Variants in TTLL11 observed in about 807,000 individuals in gnomAD.
TTLL11 encodes the protein tubulin tyrosine ligase like 11.
Under a neutral mutation model 51.7 loss-of-function variants are expected in TTLL11, and 42 were observed. The ratio of observed to expected loss-of-function variants is 0.81; its 90% CI spans 0.64 to 1.05. The LOEUF is 1.05. Ranked by LOEUF, TTLL11 falls within the 50% of genes least tolerant of loss-of-function variation. The pLI, the probability that TTLL11 is intolerant of heterozygous loss-of-function variation, is 0.00. For missense variants in TTLL11, 799 were observed against 940.4 expected, an observed-to-expected ratio of 0.85 and a Z score of 1.97; for synonymous variants, 381 against 383.5, an observed-to-expected ratio of 0.99 and a Z score of 0.08.
At chr9:121,907,091 A>T (rs1839973868) in intron 6 of TTLL11, among the ~76,000 whole-genome samples, 2 of 151,614 alleles carry the variant, frequency 1.3e-5, no homozygotes, top group African/African-American at 4.9e-5. Flanking sequence ...TTCCAAATAT[A>T]CTCTTTTGTC....
At chr9:121,919,920 T>G (rs976118304) in intron 6 of TTLL11, among the ~76,000 whole-genome samples, 6 of 149,204 alleles carry the variant, frequency 4.0e-5, no homozygotes, top group African/African-American at 1.5e-4. Flanking sequence ...TTAACAATAA[T>G]AGCTAACACT....
intron 4 of TTLL11, among the ~76,000 whole-genome samples, chr9:121,984,024 G>C (rs1842885203): frequency 6.6e-6 from 1 of 152,194 alleles, no homozygotes; most frequent in Non-Finnish European, 1.5e-5. Flanking sequence ...GCAAGAATGA[G>C]AGAGAGCATG....
At chr9:122,052,203 C>A (rs896689156) in intron 1 of TTLL11, among the ~76,000 whole-genome samples, 2 of 152,214 alleles carry the variant, frequency 1.3e-5, no homozygotes, top group Non-Finnish European at 2.9e-5. Context: ...CACTTCTCTG[C>A]CTTGCTGCTC....
intron 6 of TTLL11, among the ~76,000 whole-genome samples, chr9:121,911,096 C>T (rs1480939968): frequency 6.6e-6 from 1 of 152,118 alleles, no homozygotes; most frequent in Non-Finnish European, 1.5e-5. Flanking sequence ...TGTTATGCCC[C>T]CTGGTTCTCA....
At chr9:121,974,161 C>A (rs557992516) in intron 5 of TTLL11, 37 bp from the exon 6 acceptor site, 1 of 1,476,598 alleles carries the variant, frequency 6.8e-7, no homozygotes, top group Non-Finnish European at 9.2e-7. Context: ...CAGTGGAGAC[C>A]GTGATTCCGT....
chr9:121,967,514 C>T (rs999809934), intron 6 of TTLL11, among the ~76,000 whole-genome samples: 4 of 152,222 alleles, frequency 2.6e-5, no homozygotes, highest in Admixed American at 6.5e-5. Flanking sequence ...TGAGCCACCG[C>T]GCCCAGCCTC....
chr9:121,883,117 G>T (rs919811929), intron 6 of TTLL11, among the ~76,000 whole-genome samples: 2 of 152,114 alleles, frequency 1.3e-5, no homozygotes, highest in Admixed American at 1.3e-4. Context: ...TTCAGCTTAT[G>T]GGTCTATAAA....
At chr9:122,044,318 T>A (rs1396136736) in intron 1 of TTLL11, among the ~76,000 whole-genome samples, 8 of 152,138 alleles carry the variant, frequency 5.3e-5, no homozygotes, top group Admixed American at 3.9e-4. Flanking sequence ...GCAATAAACA[T>A]ACGTGTGCAT....
At chr9:121,828,991 T>TCTG (rs1836910638) in intron 8 of TTLL11, among the ~76,000 whole-genome samples, 1 of 150,724 alleles carries the variant, frequency 6.6e-6, no homozygotes, top group Non-Finnish European at 1.5e-5. Flanking sequence ...GGAGTCTCGC[T>TCTG]CTGTCACCCA....
At chr9:122,004,971 T>C (rs1470802074) in intron 3 of TTLL11, among the ~76,000 whole-genome samples, 1 of 152,210 alleles carries the variant, frequency 6.6e-6, no homozygotes, top group Non-Finnish European at 1.5e-5. Flanking sequence ...GATACAATTT[T>C]GGCATTTCTA....
At chr9:121,954,415 G>C (rs937149366) in intron 6 of TTLL11, among the ~76,000 whole-genome samples, 11 of 152,190 alleles carry the variant, frequency 7.2e-5, no homozygotes, top group Admixed American at 1.3e-4. Context: ...TCCAGGCTGA[G>C]GATAAATGCG....
chr9:122,066,214 AGTGGTGGTGGTG>A (rs10618618), intron 1 of TTLL11, among the ~76,000 whole-genome samples: 3 of 140,646 alleles, frequency 2.1e-5, no homozygotes, highest in Non-Finnish European at 4.6e-5. Context: ...TGTTGTTGTT[AGTGGTGGTGGTG>A]GTGGTGGTGG....
At chr9:121,948,468 A>G (rs564551211) in intron 6 of TTLL11, among the ~76,000 whole-genome samples, 72 of 152,344 alleles carry the variant, frequency 4.7e-4, no homozygotes, top group African/African-American at 1.7e-3. Context: ...TCATCAAGTA[A>G]TATCTACCAC....
chr9:121,858,108 T>C (rs1837883499), intron 8 of TTLL11, among the ~76,000 whole-genome samples: 1 of 152,256 alleles, frequency 6.6e-6, no homozygotes, highest in South Asian at 2.1e-4. Context: ...ATCTGCCTAC[T>C]TCTCCTGAAG....
chr9:122,072,890 G>A (rs546874975), intron 1 of TTLL11, among the ~76,000 whole-genome samples: 3 of 152,276 alleles, frequency 2.0e-5, no homozygotes, highest in South Asian at 2.1e-4. Flanking sequence ...GGAGCTCTCC[G>A]GGGAAGGGAC....
chr9:122,084,013 A>T (rs923113112), intron 1 of TTLL11, among the ~76,000 whole-genome samples: 11 of 152,338 alleles, frequency 7.2e-5, no homozygotes, highest in Admixed American at 2.0e-4. Context: ...TTATTTATAC[A>T]TAATCTAAGA....
At chr9:122,020,654 C>T (rs569576106) in intron 3 of TTLL11, among the ~76,000 whole-genome samples, 1 of 152,336 alleles carries the variant, frequency 6.6e-6, no homozygotes, top group Admixed American at 6.5e-5. Flanking sequence ...AAACCCTAAC[C>T]CCCAAGGGGA....
At chr9:122,069,347 G>T (rs1056493735) in intron 1 of TTLL11, among the ~76,000 whole-genome samples, 191 of 152,270 alleles carry the variant, frequency 1.3e-3, no homozygotes, top group African/African-American at 4.4e-3. Flanking sequence ...GTTTTCATTT[G>T]TTCACTGCTA....
chr9:122,000,943 G>A (rs912179761), intron 3 of TTLL11, among the ~76,000 whole-genome samples: 1 of 152,162 alleles, frequency 6.6e-6, no homozygotes, highest in Non-Finnish European at 1.5e-5. Context: ...TACCATTTAT[G>A]GGCACCTATA....
Sources: allele counts gnomAD v4.1 joint callset (sites outside exome capture counted in the v4.1 genomes callset), GRCh38; gene constraint gnomAD v4.1.1; transcripts MANE v1.5; gene names NCBI Gene and HGNC (gene_info 2026-07-23, HGNC 2026-07-21).